Variants in LAMA3 observed in about 807,000 individuals in gnomAD.
LAMA3 encodes laminin subunit alpha 3, also known as laminin subunit alpha-3.
LAMA3 carries 281 observed loss-of-function variants against 402.0 expected under a neutral mutation model. That is an observed-to-expected ratio of 0.70 (90% CI 0.63 to 0.77). The LOEUF is 0.77. Ranked by LOEUF, LAMA3 falls within the 30% of genes least tolerant of loss-of-function variation. The probability of loss-of-function intolerance (pLI) is 0.00; values close to 1 mark genes in which losing one functional copy is unlikely to be tolerated. For missense variants in LAMA3, 3,840 were observed against 4,215.5 expected, an observed-to-expected ratio of 0.91 and a Z score of 2.47; for synonymous variants, 1,431 against 1,558.4, an observed-to-expected ratio of 0.92 and a Z score of 1.93.
At chr18:23,813,553 CTTTTTTTTTT>C (rs1164123647) in intron 14 of LAMA3, among the ~76,000 whole-genome samples, 5 of 115,006 alleles carry the variant, frequency 4.3e-5, no homozygotes, top group African/African-American at 1.4e-4. Context: ...TCTTTTCTTT[CTTTTTTTTTT>C]TTTTTTTTTT....
intron 3 of LAMA3, 76 bp from the exon 4 acceptor site, chr18:23,749,352 A>C: frequency 1.3e-6 from 1 of 785,770 alleles, no homozygotes; most frequent in Non-Finnish European, 2.1e-6. Flanking sequence ...TTCTTAAGGA[A>C]ACATAAGGCT....
chr18:23,734,693 A>G (rs939123561), intron 2 of LAMA3, among the ~76,000 whole-genome samples: 2 of 152,238 alleles, frequency 1.3e-5, no homozygotes, highest in African/African-American at 4.8e-5. Flanking sequence ...ACTACAATAA[A>G]AAGATAGCCC....
chr18:23,792,115 G>A (rs778720751), intron 12 of LAMA3, among the ~76,000 whole-genome samples: 32 of 152,056 alleles, frequency 2.1e-4, no homozygotes, highest in Non-Finnish European at 4.0e-4. Flanking sequence ...GGGAGGGGGT[G>A]GATATCTATG....
intron 52 of LAMA3, among the ~76,000 whole-genome samples, chr18:23,907,156 A>G (rs1409687999): frequency 1.3e-5 from 2 of 152,202 alleles, no homozygotes; most frequent in Non-Finnish European, 2.9e-5. Flanking sequence ...TTTACTCAAC[A>G]AACATATACT....
intron 7 of LAMA3, among the ~76,000 whole-genome samples, chr18:23,761,140 T>G (rs1028009546): frequency 6.6e-6 from 1 of 152,256 alleles, no homozygotes; most frequent in African/African-American, 2.4e-5. Flanking sequence ...CTTGATATTT[T>G]TAGCTATTTC....
At chr18:23,841,087 G>A (rs1158131628) in intron 27 of LAMA3, among the ~76,000 whole-genome samples, 2 of 152,206 alleles carry the variant, frequency 1.3e-5, no homozygotes, top group African/African-American at 2.4e-5. Flanking sequence ...TACAGGATCT[G>A]AGCGACAGAA....
intron 67 of LAMA3, among the ~76,000 whole-genome samples, chr18:23,938,378 G>C (rs925945293): frequency 2.6e-5 from 4 of 152,182 alleles, no homozygotes. Context: ...GAAAAGAGGG[G>C]CAGGGCTGGG....
In LAMA3 at chr18:23,814,513, T is replaced by C. The variant is rs1287939528; in HGVS notation, c.1888+11T>C. 9.1e-6 allele frequency: 14 copies of C among 1,530,722 alleles called. 1 individual carries two copies. In the South Asian group the frequency reaches 1.1e-4, roughly 12 times the overall value. 94.8% of individuals were successfully genotyped at this position (1,530,722 alleles called of 1,614,324 possible). A position where few individuals can be genotyped will look rare whatever the true frequency, so the allele number is the denominator to read the frequency against. ...CCAGTGGATGTTCAGGTAGGTTTCT[T>C]ATATGTCATAATTTACTATATTATA... On this transcript the variant is annotated intron_variant, in intron 15 of 74. Transcript: ENST00000313654.
intron 7 of LAMA3, among the ~76,000 whole-genome samples, chr18:23,759,910 A>G (rs929648582): frequency 6.6e-6 from 1 of 152,172 alleles, no homozygotes; most frequent in African/African-American, 2.4e-5. Flanking sequence ...TTATAGTCAC[A>G]GCTAATCGGT....
chr18:23,946,371 A>G, intron 70 of LAMA3, 87 bp downstream of exon 70: 1 of 1,333,370 alleles, frequency 7.5e-7, no homozygotes, highest in South Asian at 1.2e-5. Flanking sequence ...AATACTCACC[A>G]TATGAGAATC....
At chr18:23,876,211 C>T in intron 38 of LAMA3, 83 bp from the exon 39 acceptor site, 1 of 890,614 alleles carries the variant, frequency 1.1e-6, no homozygotes, top group Non-Finnish European at 1.9e-6. Flanking sequence ...GATGTGAATG[C>T]TTCACAGTGA....
chr18:23,951,371 G>A (rs1318841511), intron 72 of LAMA3, among the ~76,000 whole-genome samples: 1 of 152,182 alleles, frequency 6.6e-6, no homozygotes, highest in Non-Finnish European at 1.5e-5. Flanking sequence ...TTGCTAAGGA[G>A]GATTCCAATC....
rs760322646 is a variant in LAMA3 at position 23,867,861 on chromosome 18, G to A, written c.4711G>A (p.Glu1571Lys). The A allele has an allele frequency of 5.6e-6, 9 of 1,613,938 alleles. No homozygotes were observed. The African/African-American group carries it at 1.2e-4, about 22-fold the overall frequency. Reference protein sequence around the residue: ...TGQHMSIIYEETNTPRPDRLH... With the variant: ...TGQHMSIIYEKTNTPRPDRLH... The stretch of plus-strand genomic sequence containing the variant: ...TCAGCACATGTCCATCATCTATGAG[G>A]AGACAAACACCCCACGGCCAGACCG... Residue 1571 changes from glutamate to lysine, a missense_variant, in exon 37 of 75, where the codon GAG (glutamate) becomes AAG (lysine). This residue lies in a region of LAMA3 where 2,109 missense variants were observed against 2,376.0 expected (regional missense o/e 0.89). Coordinates refer to ENST00000313654, the MANE Select transcript of LAMA3 (RefSeq NM_198129.4).
At chr18:23,693,149 G>T (rs539570980) in intron 1 of LAMA3, among the ~76,000 whole-genome samples, 2 of 152,320 alleles carry the variant, frequency 1.3e-5, no homozygotes, top group Admixed American at 6.5e-5. Flanking sequence ...TTCAAGACCA[G>T]CTTGGCCAGC....
At chr18:23,792,307 C>T (rs1246416242) in intron 12 of LAMA3, among the ~76,000 whole-genome samples, 5 of 152,082 alleles carry the variant, frequency 3.3e-5, no homozygotes, top group Admixed American at 2.6e-4. Flanking sequence ...AAGAGCATAG[C>T]GCCACATCTG....
At chr18:23,940,096 A>C (rs1017882687) in intron 68 of LAMA3, among the ~76,000 whole-genome samples, 1 of 152,182 alleles carries the variant, frequency 6.6e-6, no homozygotes, top group Non-Finnish European at 1.5e-5. Context: ...CACAGACACT[A>C]AGATGGGATT....
chr18:23,689,536 C>A lies in LAMA3; in HGVS notation c.-148C>A. The A allele has an allele frequency of 1.4e-6, 1 of 739,440 alleles. No individual in the cohort carries two copies. The highest frequency in any genetic ancestry group is 1.8e-6 in the Non-Finnish European group (1 of 544,494). 45.8% of individuals were successfully genotyped at this position (739,440 alleles called of 1,614,324 possible). A position where few individuals can be genotyped will look rare whatever the true frequency, so the allele number is the denominator to read the frequency against. On this transcript the variant is annotated 5_prime_UTR_variant, in exon 1 of 75. Coordinates refer to ENST00000313654, the MANE Select transcript of LAMA3 (RefSeq NM_198129.4). The stretch of plus-strand genomic sequence containing the variant: ...ACCCCCACGCCGCGGGCTTCCAGCG[C>A]GTGGAGCAAGGGGAGCGGCCCCGGC...
chr18:23,899,585 G>A, intron 47 of LAMA3, 130 bp downstream of exon 47: 1 of 947,820 alleles, frequency 1.1e-6, no homozygotes, highest in Admixed American at 2.0e-5. Context: ...TACTGTTAGA[G>A]CATCACGTGG....
At chr18:23,754,020 T>A (rs1171993411) in intron 6 of LAMA3, among the ~76,000 whole-genome samples, 1 of 152,144 alleles carries the variant, frequency 6.6e-6, no homozygotes, top group African/African-American at 2.4e-5. Flanking sequence ...CAGACACGGC[T>A]AATCAATCAC....
Sources: allele counts gnomAD v4.1 joint callset (sites outside exome capture counted in the v4.1 genomes callset), GRCh38; gene constraint gnomAD v4.1.1; regional missense constraint gnomAD v4.1.1; transcripts MANE v1.5; gene names NCBI Gene and HGNC (gene_info 2026-07-23, HGNC 2026-07-21).